The following DYM variants were observed in gnomAD, a reference collection of about 807,000 sequenced individuals.
DYM encodes dymeclin, also known as dyggve-Melchior-Clausen syndrome protein.
DYM carries 78 observed loss-of-function variants against 93.1 expected under a neutral mutation model. The observed-to-expected ratio is 0.84, with a 90% CI of 0.70 to 1.01. The LOEUF (loss-of-function observed/expected upper bound fraction) is 1.01. Among genes scored for constraint, DYM ranks in the 50% least tolerant of loss-of-function variants. The pLI is 0.00. For synonymous variants in DYM, 321 were observed against 319.7 expected, an observed-to-expected ratio of 1.00 and a Z score of -0.04; for missense variants, 789 against 845.0, an observed-to-expected ratio of 0.93 and a Z score of 0.82.
At position 49,187,306 on chromosome 18, in the gene DYM, ACACCTACAACTT is replaced by A. The variant is rs1402410980; in HGVS notation, c.1625+22233_1625+22244del. 9.2e-5 allele frequency among the ~76,000 whole-genome samples: 14 copies of A among 152,222 alleles called. No individual in the cohort carries two copies. In the East Asian group the frequency reaches 2.3e-3, roughly 25 times the overall value. On this transcript the variant is annotated intron_variant, in intron 14 of 17. Transcript: ENST00000675505. Reference sequence around the variant, plus strand: ...AAGATCTGGTCTTGTCCTGCTCCTAACACCTACAACTTGCCCAATTCTGAGTATCAACTCTGT... The same window carrying A: ...AAGATCTGGTCTTGTCCTGCTCCTAAGCCCAATTCTGAGTATCAACTCTGT...
At chr18:49,163,088 T>A (rs1330603628) in intron 15 of DYM, among the ~76,000 whole-genome samples, 2 of 152,162 alleles carry the variant, frequency 1.3e-5, no homozygotes, top group African/African-American at 4.8e-5. Context: ...CATCCCTGCT[T>A]TTGTTTTTGT....
intron 11 of DYM, among the ~76,000 whole-genome samples, chr18:49,261,201 T>C (rs1369654072): frequency 1.3e-5 from 2 of 152,136 alleles, no homozygotes; most frequent in African/African-American, 2.4e-5. Context: ...AGTACAAGTA[T>C]ATACAGGTGG....
intron 17 of DYM, among the ~76,000 whole-genome samples, chr18:49,086,504 A>T (rs993141123): frequency 6.6e-6 from 1 of 152,194 alleles, no homozygotes; most frequent in African/African-American, 2.4e-5. Flanking sequence ...ATTAAGTCTC[A>T]ACATACGTTT....
intron 13 of DYM, among the ~76,000 whole-genome samples, chr18:49,224,914 C>A (rs1199899789): frequency 1.3e-5 from 2 of 151,950 alleles, no homozygotes; most frequent in Non-Finnish European, 2.9e-5. Flanking sequence ...GCCAAAAAAA[C>A]CATAAAGAAG....
intron 8 of DYM, among the ~76,000 whole-genome samples, chr18:49,295,568 G>A (rs2060478043): frequency 6.6e-6 from 1 of 152,122 alleles, no homozygotes; most frequent in South Asian, 2.1e-4. Context: ...AAACAAGATT[G>A]GAGGAACTTT....
chr18:49,081,997 G>GA (rs2078090461), intron 17 of DYM, among the ~76,000 whole-genome samples: 1 of 152,242 alleles, frequency 6.6e-6, no homozygotes, highest in Admixed American at 6.5e-5. Context: ...GCTGGTCTTA[G>GA]TTCAGAGTTT....
Position 49,322,783 on chromosome 18 carries a change from A to G in DYM, c.763+9081T>C, listed in dbSNP as rs189897919. 1.2e-4 allele frequency among the ~76,000 whole-genome samples: 18 copies of G among 152,320 alleles called. No individual in the cohort carries two copies. The East Asian group carries it at 1.7e-3, about 15-fold the overall frequency. On this transcript the variant is annotated intron_variant, in intron 8 of 17. Coordinates refer to ENST00000675505, the MANE Select transcript of DYM (RefSeq NM_001353214.3). ...ATTTTAAATATTACCAGGTAATAATATCTGATACTAATAGTGACCATTTAT... is the reference window on the plus strand; with the variant it reads ...ATTTTAAATATTACCAGGTAATAATGTCTGATACTAATAGTGACCATTTAT...
At chr18:49,232,701 C>T (rs1443922343) in intron 13 of DYM, among the ~76,000 whole-genome samples, 2 of 149,144 alleles carry the variant, frequency 1.3e-5, no homozygotes, top group Non-Finnish European at 3.0e-5. Context: ...CTCTGCGTCC[C>T]GGGTTCAAGC....
chr18:49,323,241 T>C (rs769675075), intron 8 of DYM, among the ~76,000 whole-genome samples: 1 of 152,140 alleles, frequency 6.6e-6, no homozygotes, highest in Admixed American at 6.5e-5. Context: ...GAATGGGTAG[T>C]GAGTGATCCA....
chr18:49,135,398 A>G (rs1334226286), intron 15 of DYM, among the ~76,000 whole-genome samples: 1 of 152,172 alleles, frequency 6.6e-6, no homozygotes, highest in Non-Finnish European at 1.5e-5. Context: ...TTGCCTTTGA[A>G]TCCTTGTTCT....
At chr18:49,131,005 G>A (rs939257402) in intron 15 of DYM, among the ~76,000 whole-genome samples, 1 of 152,216 alleles carries the variant, frequency 6.6e-6, no homozygotes, top group African/African-American at 2.4e-5. Context: ...AAAAATGAGA[G>A]AACTACTTAC....
At chr18:49,120,787 G>A (rs1363932103) in intron 15 of DYM, among the ~76,000 whole-genome samples, 1 of 152,142 alleles carries the variant, frequency 6.6e-6, no homozygotes, top group Non-Finnish European at 1.5e-5. Flanking sequence ...GAAAAGGTAT[G>A]CCTATTTCCA....
intron 2 of DYM, among the ~76,000 whole-genome samples, chr18:49,393,459 T>G (rs1010956396): frequency 3.3e-5 from 5 of 152,200 alleles, no homozygotes; most frequent in African/African-American, 9.6e-5. Context: ...CACAATGGAA[T>G]ATTATTTAGT....
chr18:49,053,469 A>T (rs2075205099), intron 17 of DYM, among the ~76,000 whole-genome samples: 1 of 152,230 alleles, frequency 6.6e-6, no homozygotes, highest in Admixed American at 6.5e-5. Flanking sequence ...GCAGATTGAA[A>T]AAAAAAATTC....
intron 5 of DYM, among the ~76,000 whole-genome samples, chr18:49,365,394 C>A (rs971094819): frequency 6.6e-6 from 1 of 151,988 alleles, no homozygotes; most frequent in Admixed American, 6.6e-5. Context: ...CAAGAAACAT[C>A]GGGCTTGGCT....
chr18:49,291,471 G>A (rs1056943609), intron 8 of DYM, among the ~76,000 whole-genome samples: 1 of 152,058 alleles, frequency 6.6e-6, no homozygotes, highest in Non-Finnish European at 1.5e-5. Context: ...AACTTTTAAG[G>A]AGCTGTTATG....
At chr18:49,144,659 T>G (rs944852582) in intron 15 of DYM, among the ~76,000 whole-genome samples, 1 of 152,198 alleles carries the variant, frequency 6.6e-6, no homozygotes, top group Non-Finnish European at 1.5e-5. Context: ...AGGACAGAAG[T>G]AGAATGACTA....
At chr18:49,058,320 T>C (rs929740273) in intron 17 of DYM, among the ~76,000 whole-genome samples, 1 of 147,796 alleles carries the variant, frequency 6.8e-6, no homozygotes, top group Non-Finnish European at 1.5e-5. Flanking sequence ...TTTTTCTTCT[T>C]TTTTTTTTTT....
Position 49,081,512 on chromosome 18 carries a change from G to A in DYM, c.2025+15890C>T, listed in dbSNP as rs181567490. On this transcript the variant is annotated intron_variant, in intron 17 of 17. Coordinates refer to ENST00000675505, the MANE Select transcript of DYM (RefSeq NM_001353214.3). ...GACCGTGGAAAGAGAGGGAGAGGGA[G>A]ACCGAGAGGGAGAGGGGAGAGGGGA... Among the ~76,000 whole-genome samples, 1,176 of 147,854 alleles carry A rather than the reference G, an allele frequency of 8.0e-3. 18 individuals carry two copies. Among genetic ancestry groups the A allele is most frequent in the African/African-American group, 0.028 (1,094 of 39,242 alleles).
Sources: gnomAD v4.1 joint callset for allele counts (sites outside exome capture counted in the v4.1 genomes callset) on GRCh38, gnomAD v4.1.1 for gene constraint, MANE v1.5 for transcripts, NCBI Gene and HGNC (gene_info 2026-07-23, HGNC 2026-07-21) for gene names.